Variants in FSTL4 observed in about 807,000 individuals in gnomAD.
The protein encoded by FSTL4 is follistatin-related protein 4.
Under a neutral mutation model 78.2 loss-of-function variants are expected in FSTL4, and 28 were observed. The ratio of observed to expected loss-of-function variants is 0.36; its 90% CI spans 0.27 to 0.49. FSTL4 has a LOEUF of 0.49. Among genes scored for constraint, FSTL4 ranks in the 20% least tolerant of loss-of-function variants. The probability of loss-of-function intolerance (pLI) is 0.98; values close to 1 mark genes in which losing one functional copy is unlikely to be tolerated. For missense variants in FSTL4, 922 were observed against 1,084.9 expected, an observed-to-expected ratio of 0.85 and a Z score of 2.11; for synonymous variants, 422 against 440.5, an observed-to-expected ratio of 0.96 and a Z score of 0.53.
Position 133,199,468 on chromosome 5 carries a change from C to T in FSTL4, c.2156G>A (p.Arg719Gln), listed in dbSNP as rs199573195. The T allele has an allele frequency of 3.8e-5, 61 of 1,614,188 alleles. No individual in the cohort carries two copies. Among genetic ancestry groups the T allele is most frequent in the African/African-American group, 6.7e-5 (5 of 75,048 alleles). ...GTCATACAGGGTCTGGATCTCGCCC[C>T]GCACTGTGATCTCCTGCACGTGCAG... is the stretch of plus-strand genomic sequence containing the variant. ...PWLHVQEITV[R>Q]GEIQTLYDLQ... The change falls in exon 16 of 16, where the codon CGG becomes CAG. Residue 719 changes from arginine to glutamine, a missense_variant. Arg to Gln is a conservative substitution (Grantham distance 43). Transcript: ENST00000265342. The surrounding 1 kb of genome is among the most constrained non-coding windows in gnomAD (Gnocchi z 4.4).
intron 4 of FSTL4, among the ~76,000 whole-genome samples, chr5:133,321,904 C>T (rs541555643): frequency 6.6e-6 from 1 of 152,194 alleles, no homozygotes; most frequent in South Asian, 2.1e-4. Context: ...TGGGCAGGAC[C>T]GCCGTGATTT....
At chr5:133,834,190 A>T in the FSTL4 span, among the ~76,000 whole-genome samples, 201 of 152,346 alleles carry the variant, frequency 1.3e-3, 3 homozygotes, top group African/African-American at 4.5e-3. Context: ...AAGAGGAGGG[A>T]GTCCAGAGAC....
rs1750163641 is a variant in FSTL4 at position 133,196,988 on chromosome 5, G to A, written c.*2107C>T. The A allele has an allele frequency of 6.6e-6, 1 of 152,248 alleles. No homozygotes were observed. Among genetic ancestry groups the A allele is most frequent in the Non-Finnish European group, 1.5e-5 (1 of 68,074 alleles). The allele number at this position is 152,248 out of a possible 1,614,324, so 9.4% of individuals were successfully genotyped here. On this transcript the variant is annotated 3_prime_UTR_variant, in exon 16 of 16. Coordinates refer to ENST00000265342, the MANE Select transcript of FSTL4 (RefSeq NM_015082.2). ...TGCTTTTTTAGACACATTCCAAGATGGAAGGGACAGTGGGGGAGAAGCAGG... is the reference window on the plus strand; with the variant it reads ...TGCTTTTTTAGACACATTCCAAGATAGAAGGGACAGTGGGGGAGAAGCAGG...
intron 6 of FSTL4, among the ~76,000 whole-genome samples, chr5:133,303,582 A>C (rs1309519667): frequency 6.6e-6 from 1 of 152,148 alleles, no homozygotes; most frequent in Non-Finnish European, 1.5e-5. Flanking sequence ...GTGTGAGTGG[A>C]GTTCCTCTTA....
the FSTL4 span, among the ~76,000 whole-genome samples, chr5:133,647,150 G>A: frequency 7.1e-4 from 108 of 152,180 alleles, no homozygotes; most frequent in African/African-American, 2.4e-3. Flanking sequence ...GCACCACACC[G>A]CACCCAGCTC....
chr5:133,826,434 G>A, the FSTL4 span, among the ~76,000 whole-genome samples: 1 of 152,182 alleles, frequency 6.6e-6, no homozygotes, highest in African/African-American at 2.4e-5. Flanking sequence ...CCAGAATCCT[G>A]CCACACCAGA....
intron 3 of FSTL4, among the ~76,000 whole-genome samples, chr5:133,479,074 C>G (rs1757976431): frequency 6.6e-6 from 1 of 152,156 alleles, no homozygotes; most frequent in Admixed American, 6.5e-5. Context: ...AATTAAAAAG[C>G]AGAAAAATTC....
At chr5:133,418,127 A>G (rs1756616635) in intron 3 of FSTL4, among the ~76,000 whole-genome samples, 1 of 152,002 alleles carries the variant, frequency 6.6e-6, no homozygotes, top group Admixed American at 6.6e-5. Context: ...TCACTAAACT[A>G]GAAAACGAGT....
Position 133,199,403 on chromosome 5 carries a change from G to A in FSTL4, c.2221C>T (p.Arg741Cys), listed in dbSNP as rs766181079. The part of the protein sequence containing the change: ...NSGISDLAFQ[R>C]SFTESNQYNI... ...TATTGATTGCTTTCAGTGAAGGAGCGCTGGAAGGCCAAGTCTGAGATGCCC... is the reference window on the plus strand; with the variant it reads ...TATTGATTGCTTTCAGTGAAGGAGCACTGGAAGGCCAAGTCTGAGATGCCC... The change falls in exon 16 of 16, where the codon CGC becomes TGC. Residue 741 changes from arginine (R) to cysteine (C), a missense_variant. By Grantham distance (180) the Arg-to-Cys change is radical (BLOSUM62 -3). Coordinates refer to ENST00000265342, the MANE Select transcript of FSTL4 (RefSeq NM_015082.2). The surrounding 1 kb of genome is among the most constrained non-coding windows in gnomAD (Gnocchi z 4.4). 8.1e-6 allele frequency: 13 copies of A among 1,614,020 alleles called. No individual in the cohort carries two copies. The highest frequency in any genetic ancestry group is 3.3e-5 in the South Asian group (3 of 91,084).
chr5:133,817,550 G>A, the FSTL4 span, among the ~76,000 whole-genome samples: 2 of 152,166 alleles, frequency 1.3e-5, no homozygotes, highest in Non-Finnish European at 2.9e-5. Flanking sequence ...TAAGAGGACC[G>A]GCTTCTGTCC....
the FSTL4 span, among the ~76,000 whole-genome samples, chr5:133,791,178 T>C: frequency 3.3e-5 from 5 of 152,124 alleles, no homozygotes; most frequent in Admixed American, 6.6e-5. Flanking sequence ...GCCACCTGGT[T>C]AGCTCCCTAC....
rs139717836 is a variant in FSTL4 at position 133,420,436 on chromosome 5, T to C, written c.161-19450A>G. On this transcript the variant is annotated intron_variant, in intron 3 of 15. Coordinates refer to ENST00000265342, the MANE Select transcript of FSTL4 (RefSeq NM_015082.2). ...TTACTTTTTGTTCAAACCACACTTG[T>C]GATTAAATAATCTCAAGTGGAAATT... Among the ~76,000 whole-genome samples, 385 of 152,362 alleles carry C rather than the reference T, an allele frequency of 2.5e-3. 3 individuals carry two copies. The highest frequency in any genetic ancestry group is 8.1e-3 in the African/African-American group (338 of 41,592).
At chr5:133,812,454 T>C in the FSTL4 span, among the ~76,000 whole-genome samples, 1 of 152,236 alleles carries the variant, frequency 6.6e-6, no homozygotes, top group African/African-American at 2.4e-5. Context: ...GTCTTCCTTC[T>C]GGTTCTCAAA....
the FSTL4 span, among the ~76,000 whole-genome samples, chr5:133,662,584 T>C: frequency 7.9e-5 from 12 of 152,358 alleles, no homozygotes; most frequent in East Asian, 1.7e-3. Flanking sequence ...CCCTTGATTT[T>C]TATTCCTGCC....
chr5:133,395,712 T>C (rs1756019600), intron 4 of FSTL4, among the ~76,000 whole-genome samples: 1 of 150,960 alleles, frequency 6.6e-6, no homozygotes, highest in South Asian at 2.1e-4. Flanking sequence ...TGGAGGTACT[T>C]CATGCCTGTA....
chr5:133,432,482 C>A (rs1162514766), intron 3 of FSTL4, among the ~76,000 whole-genome samples: 1 of 152,166 alleles, frequency 6.6e-6, no homozygotes, highest in African/African-American at 2.4e-5. Flanking sequence ...CCAAACCTAC[C>A]TTGTGGGGGT....
chr5:133,604,554 C>G (rs916615680), intron 1 of FSTL4, among the ~76,000 whole-genome samples: 1 of 152,064 alleles, frequency 6.6e-6, no homozygotes, highest in African/African-American at 2.4e-5. Context: ...ACTAAACATA[C>G]AAAAATTAGC....
chr5:133,315,761 C>T (rs1367933375), intron 5 of FSTL4, among the ~76,000 whole-genome samples: 2 of 152,164 alleles, frequency 1.3e-5, no homozygotes, highest in Non-Finnish European at 2.9e-5. Flanking sequence ...TCCAGCCCAC[C>T]CCAGCTTTTC....
chr5:133,435,347 C>T (rs1220692901), intron 3 of FSTL4, among the ~76,000 whole-genome samples: 1 of 152,218 alleles, frequency 6.6e-6, no homozygotes, highest in Admixed American at 6.5e-5. Context: ...GGGATTGTAG[C>T]ATGCACAGTA....
Sources: allele counts gnomAD v4.1 joint callset (sites outside exome capture counted in the v4.1 genomes callset), GRCh38; gene constraint gnomAD v4.1.1; non-coding constraint Gnocchi (gnomAD v3.1); transcripts MANE v1.5; gene names NCBI Gene and HGNC (gene_info 2026-07-23, HGNC 2026-07-21).